The following CCT6B variants were observed in gnomAD, a reference collection of about 807,000 sequenced individuals.
CCT6B encodes chaperonin containing TCP1 subunit 6B.
A neutral mutation model predicts 61.5 loss-of-function variants in CCT6B; 49 were observed. That is an observed-to-expected ratio of 0.80 (90% CI 0.63 to 1.01). The LOEUF is 1.01. Among genes scored for constraint, CCT6B ranks in the 50% least tolerant of loss-of-function variants. The pLI is 0.00. For missense variants in CCT6B, 666 were observed against 634.7 expected (o/e 1.05, Z -0.53); for synonymous variants, 228 against 214.5 (o/e 1.06, Z -0.55).
intron 4 of CCT6B, among the ~76,000 whole-genome samples, chr17:34,954,160 C>T (rs1256245544): frequency 6.6e-6 from 1 of 151,994 alleles, no homozygotes; most frequent in Non-Finnish European, 1.5e-5. Flanking sequence ...CAAGAGCTTC[C>T]ACAGGAGATG....
Position 34,958,698 on chromosome 17 carries a change from GA to G in CCT6B, c.202-5del. 3 of 1,588,726 alleles carry G rather than the reference GA, an allele frequency of 1.9e-6. No individual in the cohort carries two copies. Among genetic ancestry groups the G allele is most frequent in the East Asian group, 2.3e-5 (1 of 44,036 alleles). On this transcript the variant is annotated splice_region_variant and splice_polypyrimidine_tract_variant and intron_variant, in intron 2 of 13. Coordinates refer to ENST00000314144, the MANE Select transcript of CCT6B (RefSeq NM_006584.4). The stretch of plus-strand genomic sequence containing the variant: ...AAGCTGTTGGATGTTGAATTTGCTG[GA>G]AAAAGCAAGCAACAGATTTAAAAAG...
intron 5 of CCT6B, among the ~76,000 whole-genome samples, chr17:34,948,540 C>T (rs1308502359): frequency 3.3e-5 from 5 of 151,848 alleles, no homozygotes; most frequent in Admixed American, 1.3e-4. Flanking sequence ...CATGGTGAAA[C>T]TCCATCTCTA....
intron 5 of CCT6B, among the ~76,000 whole-genome samples, chr17:34,944,727 C>T (rs959302970): frequency 9.2e-5 from 14 of 152,214 alleles, no homozygotes; most frequent in Admixed American, 1.3e-4. Context: ...GAGATCGAGA[C>T]CATCCTGGCT....
At chr17:34,941,813 G>A (rs2142153261) in intron 7 of CCT6B, among the ~76,000 whole-genome samples, 1 of 152,324 alleles carries the variant, frequency 6.6e-6, no homozygotes, top group East Asian at 1.9e-4. Context: ...CACTTTGGGA[G>A]GCCAAGCCAA....
At chr17:34,947,181 A>T (rs1367016808) in intron 5 of CCT6B, among the ~76,000 whole-genome samples, 1 of 152,212 alleles carries the variant, frequency 6.6e-6, no homozygotes, top group Non-Finnish European at 1.5e-5. Flanking sequence ...TAAAAAACTA[A>T]ATTAAGAACA....
At chr17:34,931,146 A>C in intron 11 of CCT6B, 95 bp from the exon 12 acceptor site, 1 of 319,612 alleles carries the variant, frequency 3.1e-6, no homozygotes, top group Non-Finnish European at 5.4e-6. Flanking sequence ...TTGTAAAAAC[A>C]CATCCATAAC....
At chr17:34,928,167 C>A in intron 13 of CCT6B, 50 bp from the exon 14 acceptor site, 1 of 1,212,598 alleles carries the variant, frequency 8.2e-7, no homozygotes, top group Non-Finnish European at 1.2e-6. Flanking sequence ...CCACTCTTAG[C>A]TTTTTTCCCC....
chr17:34,949,762 A>G (rs2090270968), intron 5 of CCT6B: 1 of 152,224 alleles, frequency 6.6e-6, no homozygotes, highest in African/African-American at 2.4e-5. Flanking sequence ...CAAAACTCTC[A>G]AAACTAAAGT....
In CCT6B at chr17:34,940,559, TG is replaced by T; in HGVS notation, c.947del (p.Ala316GlufsTer18). On this transcript the variant is annotated frameshift_variant, in exon 8 of 14. Coordinates refer to ENST00000314144, the MANE Select transcript of CCT6B (RefSeq NM_006584.4). LOFTEE classifies it high-confidence loss of function. ...CTTACCTTTCCATATTTCTTCTTTT[TG>T]CTCTGCGAAGAGCTACTATTCCATG... ...AKHGIVALRR[A>X]KRRNMERLSL... is the part of the protein sequence containing the mutation. 1.9e-6 allele frequency: 3 copies of T among 1,579,160 alleles called. No individual in the cohort carries two copies. The highest frequency in any genetic ancestry group is 2.6e-6 in the Non-Finnish European group (3 of 1,158,796).
chr17:34,952,117 A>C, intron 4 of CCT6B, 64 bp from the exon 5 acceptor site: 1 of 998,286 alleles, frequency 1.0e-6, no homozygotes, highest in Non-Finnish European at 1.6e-6. Context: ...CAAGGGCCCA[A>C]ACAATCTATC....
intron 10 of CCT6B, among the ~76,000 whole-genome samples, chr17:34,937,115 A>G (rs956532184): frequency 6.6e-6 from 1 of 152,116 alleles, no homozygotes; most frequent in African/African-American, 2.4e-5. Context: ...CCATGATCAC[A>G]CCACTGCACT....
chr17:34,955,000 G>A (rs1271142216), intron 3 of CCT6B, among the ~76,000 whole-genome samples: 1 of 152,324 alleles, frequency 6.6e-6, no homozygotes, highest in South Asian at 2.1e-4. Flanking sequence ...TCACAATAAT[G>A]AGACAGACAG....
chr17:34,931,336 G>GTTTGT (rs908617861), intron 11 of CCT6B, among the ~76,000 whole-genome samples: 24 of 152,172 alleles, frequency 1.6e-4, no homozygotes, highest in African/African-American at 4.8e-4. Context: ...CTTGCAAAAG[G>GTTTGT]TTTGTTTTGT....
At chr17:34,936,977 G>A (rs887252804) in intron 10 of CCT6B, among the ~76,000 whole-genome samples, 1 of 152,010 alleles carries the variant, frequency 6.6e-6, no homozygotes. Flanking sequence ...ACAACATAAT[G>A]AGACGTTGTC....
chr17:34,940,642 A>C (rs2090153021), intron 7 of CCT6B, 21 bp from the exon 8 acceptor site: 1 of 1,274,336 alleles, frequency 7.8e-7, no homozygotes, highest in African/African-American at 1.5e-5. Flanking sequence ...ATTAACATAA[A>C]AATTATAAAC....
chr17:34,953,341 A>ATATATATATAT (rs1555550678), intron 4 of CCT6B, among the ~76,000 whole-genome samples: 1 of 139,828 alleles, frequency 7.2e-6, no homozygotes, highest in Non-Finnish European at 1.5e-5. Flanking sequence ...ATATATATAT[A>ATATATATATAT]TTTTTTTGAG....
intron 5 of CCT6B, chr17:34,943,620 G>A (rs563256381): frequency 6.6e-6 from 1 of 152,218 alleles, no homozygotes; most frequent in South Asian, 2.1e-4. Context: ...GTTGTGGGGT[G>A]GGGGAAGCGG....
At chr17:34,953,986 A>T (rs1345162351) in intron 4 of CCT6B, among the ~76,000 whole-genome samples, 1 of 152,064 alleles carries the variant, frequency 6.6e-6, no homozygotes, top group Admixed American at 6.5e-5. Flanking sequence ...AACTAAACAA[A>T]CATACATTTC....
chr17:34,959,464 G>C, intron 2 of CCT6B, 123 bp downstream of exon 2: 1 of 712,096 alleles, frequency 1.4e-6, no homozygotes, highest in Non-Finnish European at 2.4e-6. Flanking sequence ...TAATTCAACA[G>C]TCTTCAGCAT....
Sources: gnomAD v4.1 joint callset for allele counts (sites outside exome capture counted in the v4.1 genomes callset) on GRCh38, gnomAD v4.1.1 for gene constraint, MANE v1.5 for transcripts, NCBI Gene and HGNC (gene_info 2026-07-23, HGNC 2026-07-21) for gene names.